MDGA2: variants seen among roughly 807,000 people sequenced by gnomAD.
MDGA2 encodes the protein MAM domain containing glycosylphosphatidylinositol anchor 2.
A neutral mutation model predicts 117.8 loss-of-function variants in MDGA2; 40 were observed. That is an observed-to-expected ratio of 0.34 (90% confidence interval 0.26 to 0.44). The LOEUF is 0.44. Ranked by LOEUF, MDGA2 falls within the 20% of genes least tolerant of loss-of-function variation. The probability of loss-of-function intolerance (pLI) is 1.00; values close to 1 mark genes in which losing one functional copy is unlikely to be tolerated. For synonymous variants in MDGA2, 452 were observed against 439.0 expected (o/e 1.03, Z -0.37); for missense variants, 1,123 against 1,250.6 (o/e 0.90, Z 1.54).
At chr14:47,606,486 A>G (rs2138891828) in intron 1 of MDGA2, among the ~76,000 whole-genome samples, 1 of 152,326 alleles carries the variant, frequency 6.6e-6, no homozygotes, top group African/African-American at 2.4e-5. Flanking sequence ...TATATTTATC[A>G]CATGTCAGAA....
intron 3 of MDGA2, among the ~76,000 whole-genome samples, chr14:47,158,363 GGTGTGTGTGTGTGT>G (rs34198544): frequency 2.4e-4 from 35 of 146,682 alleles, no homozygotes; most frequent in Non-Finnish European, 9.0e-5. Flanking sequence ...CCCTGGGGTG[GGTGTGTGTGTGTGT>G]GTGTGTGTGT....
Position 46,844,272 on chromosome 14 carries a change from T to G in MDGA2, c.2989+1494A>C, listed in dbSNP as rs1880730527. ...TATGTATTTAGGCTCTTTACAATGC[T>G]GAATCTGTTAAAATGGCTGGCAAAA... On this transcript the variant is annotated intron_variant, in intron 16 of 16. Coordinates refer to ENST00000399232, the MANE Select transcript of MDGA2 (RefSeq NM_001113498.3). Among the ~76,000 whole-genome samples the G allele has an allele frequency of 2.0e-5, 3 of 152,238 alleles. No individual in the cohort carries two copies. The South Asian group carries it at 6.2e-4, about 32-fold the overall frequency.
intron 2 of MDGA2, among the ~76,000 whole-genome samples, chr14:47,268,350 T>G (rs1189155006): frequency 6.6e-6 from 1 of 152,052 alleles, no homozygotes. Context: ...GCTGGGATTA[T>G]AGGCATGAGC....
chr14:47,364,195 T>G (rs530062695), intron 1 of MDGA2, among the ~76,000 whole-genome samples: 9 of 152,296 alleles, frequency 5.9e-5, no homozygotes, highest in Non-Finnish European at 1.2e-4. Context: ...ATGAGTCATA[T>G]CTAAAGAGTA....
chr14:47,184,708 C>G (rs1884843152), intron 3 of MDGA2, among the ~76,000 whole-genome samples: 1 of 151,676 alleles, frequency 6.6e-6, no homozygotes, highest in Non-Finnish European at 1.5e-5. Flanking sequence ...AATATTCTGT[C>G]TTTAATTTTT....
chr14:47,657,791 A>G (rs929204679), intron 1 of MDGA2, among the ~76,000 whole-genome samples: 3 of 152,198 alleles, frequency 2.0e-5, no homozygotes, highest in African/African-American at 7.2e-5. Context: ...CATCTAATAG[A>G]AAACTTTTGA....
rs530906382 is a variant in MDGA2 at position 47,171,100 on chromosome 14, TA to T, written c.596-26827del. Among the ~76,000 whole-genome samples the T allele has an allele frequency of 4.4e-4, 67 of 152,280 alleles. 1 individual carries two copies. The highest frequency in any genetic ancestry group is 3.4e-3 in the Middle Eastern group (1 of 294). Reference sequence around the variant, plus strand: ...AGCCATTGGCTCACAACCCCAAGGATAATTAAGGCAATTTTCTAAAAATCAT... The same window carrying T: ...AGCCATTGGCTCACAACCCCAAGGATATTAAGGCAATTTTCTAAAAATCAT... On this transcript the variant is annotated intron_variant, in intron 3 of 16. Coordinates refer to ENST00000399232, the MANE Select transcript of MDGA2 (RefSeq NM_001113498.3).
intron 10 of MDGA2, among the ~76,000 whole-genome samples, chr14:46,901,924 A>G (rs1883302751): frequency 6.6e-6 from 1 of 152,146 alleles, no homozygotes; most frequent in African/African-American, 2.4e-5. Flanking sequence ...CATCATCATG[A>G]GGAATATTGC....
intron 15 of MDGA2, among the ~76,000 whole-genome samples, chr14:46,851,332 A>G (rs1349173046): frequency 6.6e-6 from 1 of 151,854 alleles, no homozygotes; most frequent in Non-Finnish European, 1.5e-5. Context: ...CTGGTATATG[A>G]TGTAAAATTC....
intron 2 of MDGA2, among the ~76,000 whole-genome samples, chr14:47,232,985 A>T (rs1047081333): frequency 2.6e-5 from 4 of 152,162 alleles, no homozygotes; most frequent in Non-Finnish European, 4.4e-5. Flanking sequence ...AACATGCAGA[A>T]GCTACTCTGC....
intron 1 of MDGA2, among the ~76,000 whole-genome samples, chr14:47,608,791 G>C (rs1896787084): frequency 6.6e-6 from 1 of 152,070 alleles, no homozygotes; most frequent in Admixed American, 6.6e-5. Context: ...CAGGAGACTA[G>C]TTAGGATCTT....
intron 14 of MDGA2, among the ~76,000 whole-genome samples, chr14:46,857,643 T>G (rs1403138200): frequency 1.3e-5 from 2 of 152,036 alleles, no homozygotes; most frequent in Admixed American, 6.6e-5. Context: ...TTTTTAAAAT[T>G]TGTTTTATTT....
chr14:47,151,178 GTGGAA>G (rs1235975748), intron 3 of MDGA2, among the ~76,000 whole-genome samples: 10 of 152,356 alleles, frequency 6.6e-5, no homozygotes, highest in African/African-American at 2.2e-4. Context: ...GGATTAGGCA[GTGGAA>G]TGAGTTCAAC....
At chr14:47,201,181 T>C (rs1885494087) in intron 3 of MDGA2, 5 of 612,838 alleles carry the variant, frequency 8.2e-6, no homozygotes, top group South Asian at 7.7e-5. Context: ...CATCAACTTC[T>C]TGAGGAACAT....
Position 47,431,009 on chromosome 14 carries a change from T to C in MDGA2, c.281-129459A>G, listed in dbSNP as rs539532962. The stretch of plus-strand genomic sequence containing the variant: ...ACTCATCAGGCATTTGCAGCCCTTA[T>C]AGTTTTTATGTCATTATCTGTTTTG... On this transcript the variant is annotated intron_variant, in intron 1 of 16. Coordinates refer to ENST00000399232, the MANE Select transcript of MDGA2 (RefSeq NM_001113498.3). 2.7e-3 allele frequency among the ~76,000 whole-genome samples: 406 copies of C among 152,176 alleles called. 2 individuals carry two copies. The highest frequency in any genetic ancestry group is 9.6e-3 in the African/African-American group (398 of 41,542).
intron 1 of MDGA2, among the ~76,000 whole-genome samples, chr14:47,437,108 G>A (rs1378744404): frequency 1.3e-5 from 2 of 151,912 alleles, no homozygotes; most frequent in East Asian, 3.9e-4. Context: ...TGGGGAGGGG[G>A]ACAATTCCTC....
intron 3 of MDGA2, among the ~76,000 whole-genome samples, chr14:47,190,530 A>C (rs990663414): frequency 6.6e-6 from 1 of 152,220 alleles, no homozygotes; most frequent in African/African-American, 2.4e-5. Flanking sequence ...CAAAGTTCCC[A>C]GAAATAGACC....
intron 1 of MDGA2, among the ~76,000 whole-genome samples, chr14:47,504,488 C>T (rs1328272665): frequency 1.3e-5 from 2 of 151,988 alleles, no homozygotes; most frequent in African/African-American, 4.8e-5. Context: ...TGATGTCTGA[C>T]TTCTTCATGC....
At chr14:47,262,171 T>G (rs1887819166) in intron 2 of MDGA2, among the ~76,000 whole-genome samples, 1 of 152,142 alleles carries the variant, frequency 6.6e-6, no homozygotes, top group African/African-American at 2.4e-5. Context: ...AAGAACAGGC[T>G]AAGGCTGAAC....
Sources: allele counts gnomAD v4.1 joint callset (sites outside exome capture counted in the v4.1 genomes callset), GRCh38; gene constraint gnomAD v4.1.1; transcripts MANE v1.5; gene names NCBI Gene and HGNC (gene_info 2026-07-23, HGNC 2026-07-21).